The following CNPY4 variants were observed in gnomAD, a reference collection of about 807,000 sequenced individuals.
CNPY4 encodes canopy FGF signaling regulator 4, also known as protein canopy homolog 4.
A neutral mutation model predicts 30.1 loss-of-function variants in CNPY4; 33 were observed. That is an observed-to-expected ratio of 1.10 (90% CI 0.83 to 1.46). The LOEUF (loss-of-function observed/expected upper bound fraction) is 1.46, where lower values mean the gene tolerates loss of function less well. Ranked by LOEUF, CNPY4 falls within the 40% of genes most tolerant of loss-of-function variation. CNPY4 has a pLI of 0.00. For synonymous variants in CNPY4, 109 were observed against 110.1 expected (o/e 0.99, Z 0.06); for missense variants, 324 against 302.6 (o/e 1.07, Z -0.52).
chr7:100,122,170 G>A (rs2116896041), intron 1 of CNPY4, 89 bp from the exon 2 acceptor site: 1 of 1,535,238 alleles, frequency 6.5e-7, no homozygotes, highest in South Asian at 1.2e-5. Flanking sequence ...GTCTGCACTT[G>A]TATGCTCTGC....
rs1798164028 is a variant in CNPY4 at position 100,124,620 on chromosome 7, C to T, written c.572C>T (p.Ala191Val). 11 of 1,613,068 alleles carry T rather than the reference C, an allele frequency of 6.8e-6. No homozygotes were observed. Among genetic ancestry groups the T allele is most frequent in the African/African-American group, 1.3e-5 (1 of 74,688 alleles). Reference protein sequence around the residue: ...NFLCEGHVLPAAETACLQETW... With the variant: ...NFLCEGHVLPVAETACLQETW... ...CTCTGTGAAGGTCATGTGCTCCCAG[C>T]TGCTGAAACTGGTAAGCGTAAGGGT... The change falls in exon 5 of 6, where the codon GCT becomes GTT. Residue 191 changes from alanine to valine, a missense_variant. Ala to Val is a moderately conservative substitution (Grantham distance 64). Transcript: ENST00000262932.
chr7:100,125,123 T>G lies in CNPY4; in HGVS notation c.*235T>G. 2.0e-6 allele frequency: 1 copy of G among 502,064 alleles called. No individual in the cohort carries two copies. The highest frequency in any genetic ancestry group is 3.3e-5 in the South Asian group (1 of 30,048). 31.1% of individuals were successfully genotyped at this position (502,064 alleles called of 1,614,324 possible). A position where few individuals can be genotyped will look rare whatever the true frequency, so the allele number is the denominator to read the frequency against. On this transcript the variant is annotated 3_prime_UTR_variant, in exon 6 of 6. Coordinates refer to ENST00000262932, the MANE Select transcript of CNPY4 (RefSeq NM_152755.2). ...TAGAGATGAACTCTATCCAGCCCCT[T>G]AATTGGCAGGTGTATGTGCTGACAG...
At chr7:100,122,049 G>GAAA (rs111511573) in intron 1 of CNPY4, 3,183 of 311,312 alleles carry the variant, frequency 0.01, no homozygotes, top group South Asian at 0.016. Context: ...GAGTCCGTCT[G>GAAA]AAAAAAAAAA....
In CNPY4 at chr7:100,119,641, G is replaced by A. The variant is rs536137427; in HGVS notation, c.-104G>A. 7.5e-6 allele frequency: 12 copies of A among 1,603,088 alleles called. No individual in the cohort carries two copies. Among genetic ancestry groups the A allele is most frequent in the Admixed American group, 1.7e-5 (1 of 57,698 alleles). On this transcript the variant is annotated 5_prime_UTR_variant, in exon 1 of 6. Coordinates refer to ENST00000262932, the MANE Select transcript of CNPY4 (RefSeq NM_152755.2). ...TCCTGCGCATGCGCCGACCTTCCTC[G>A]GCTGGATTTAAGGTTGCCGCTAGCC...
At chr7:100,121,112 A>ATTTTTTTTTTT (rs1798040006) in intron 1 of CNPY4, 8 of 30,714 alleles carry the variant, frequency 2.6e-4, no homozygotes, top group Non-Finnish European at 4.1e-4. Context: ...ATATATATAT[A>ATTTTTTTTTTT]TATATTTTTT....
At chr7:100,120,898 G>C (rs990020656) in intron 1 of CNPY4, among the ~76,000 whole-genome samples, 2 of 151,946 alleles carry the variant, frequency 1.3e-5, no homozygotes, top group Admixed American at 6.6e-5. Flanking sequence ...GAGACCTGTA[G>C]ATAGAGATAA....
rs1475624712 is a variant in CNPY4, at chr7:100,124,955, T to G, written c.*67T>G. 1.0e-5 allele frequency: 15 copies of G among 1,506,950 alleles called. No homozygotes were observed. Among genetic ancestry groups the G allele is most frequent in the Non-Finnish European group, 8.9e-7 (1 of 1,124,292 alleles). 93.3% of individuals were successfully genotyped at this position (1,506,950 alleles called of 1,614,324 possible). A position where few individuals can be genotyped will look rare whatever the true frequency, so the allele number is the denominator to read the frequency against. On this transcript the variant is annotated 3_prime_UTR_variant, in exon 6 of 6. Coordinates refer to ENST00000262932, the MANE Select transcript of CNPY4 (RefSeq NM_152755.2). ...AGCCCTCTAAAGCCTGCACTCTCCC[T>G]GCTCCACAGCTTTCAGGGTGTGTTT...
chr7:100,121,068 T>C lies in CNPY4; in HGVS notation c.119-1191T>C, dbSNP rs187457954. 5.1e-4 allele frequency: 63 copies of C among 122,842 alleles called. No homozygotes were observed. In the East Asian group the frequency reaches 8.4e-3, roughly 16 times the overall value. The allele number at this position is 122,842 out of a possible 1,614,324, so 7.6% of individuals were successfully genotyped here. On this transcript the variant is annotated intron_variant, in intron 1 of 5. Transcript: ENST00000262932. Reference sequence around the variant, plus strand: ...TCACACTCCTATGAGGGACATACTATTATTATCCAATTGTATTAATTTTAT... The same window carrying C: ...TCACACTCCTATGAGGGACATACTACTATTATCCAATTGTATTAATTTTAT...
Position 100,122,298 on chromosome 7 carries a change from G to A in CNPY4, c.158G>A (p.Ser53Asn), listed in dbSNP as rs1421082887. The A allele has an allele frequency of 1.2e-6, 2 of 1,613,992 alleles. No individual in the cohort carries two copies. Among genetic ancestry groups the A allele is most frequent in the Admixed American group, 3.3e-5 (2 of 59,982 alleles). The part of the protein sequence containing the change: ...LLSTELQAEL[S>N]RTGRSREVLE... ...AGCACAGAGCTACAGGCGGAACTGAGTCGCACCGGTCGATCTCGAGAGGTG... is the reference window on the plus strand; with the variant it reads ...AGCACAGAGCTACAGGCGGAACTGAATCGCACCGGTCGATCTCGAGAGGTG... Residue 53 changes from serine to asparagine, a missense_variant, in exon 2 of 6, where the codon AGT becomes AAT. Coordinates refer to ENST00000262932, the MANE Select transcript of CNPY4 (RefSeq NM_152755.2).
chr7:100,124,875 GAGA>G lies in CNPY4; in HGVS notation c.738_740del (p.Glu246del), dbSNP rs747967394. The G allele has an allele frequency of 6.9e-6, 11 of 1,597,880 alleles. No individual in the cohort carries two copies. Among genetic ancestry groups the G allele is most frequent in the African/African-American group, 1.3e-5 (1 of 74,446 alleles). The stretch of plus-strand genomic sequence containing the variant: ...ACAGGAAGCCACCCCAAACTTGACC[GAGA>G]AGATCTTTGACCCTTGCCTTTGAGC... On this transcript the variant is annotated inframe_deletion, in exon 6 of 6. Transcript: ENST00000262932.
At chr7:100,124,350 G>A (rs1441024483) in intron 4 of CNPY4, 164 bp from the exon 5 acceptor site, 1 of 595,014 alleles carries the variant, frequency 1.7e-6, no homozygotes, top group Non-Finnish European at 3.0e-6. Flanking sequence ...ATAGGTGCTG[G>A]TAAATGTTTG....
At position 100,124,814 on chromosome 7, in the gene CNPY4, G is replaced by A. The variant is rs1161720484; in HGVS notation, c.673G>A (p.Glu225Lys). The change falls in exon 6 of 6, where the codon GAG becomes AAG. Residue 225 changes from glutamate (E) to lysine (K), a missense_variant. Glu to Lys is a moderately conservative substitution (Grantham distance 56). Coordinates refer to ENST00000262932, the MANE Select transcript of CNPY4 (RefSeq NM_152755.2). ...GEEEQEEEEE[E>K]EEEEGGDKMT... ...GGAAGAGCAGGAGGAGGAGGAGGAA[G>A]AGGAGGAAGAGGAAGGGGGAGACAA... 1.9e-6 allele frequency: 3 copies of A among 1,613,580 alleles called. No homozygotes were observed. In the South Asian group the frequency reaches 3.3e-5, roughly 18 times the overall value.
At chr7:100,123,501 C>A (rs1388026235) in intron 4 of CNPY4, among the ~76,000 whole-genome samples, 1 of 152,058 alleles carries the variant, frequency 6.6e-6, no homozygotes, top group Admixed American at 6.6e-5. Context: ...ACCCCCTTCT[C>A]TACAAATAAT....
At position 100,122,783 on chromosome 7, in the gene CNPY4, G is replaced by A. The variant is rs975338412; in HGVS notation, c.343-1G>A. On this transcript the variant is annotated splice_acceptor_variant, in intron 3 of 5. Transcript: ENST00000262932. LOFTEE classifies it high-confidence loss of function. ...CTGATGCCAAATTCTTAATCTCTCA[G>A]GGTCAGAGTCAGACCATGGCAACAC... The A allele has an allele frequency of 2.9e-5, 47 of 1,612,312 alleles. No homozygotes were observed. Among genetic ancestry groups the A allele is most frequent in the Non-Finnish European group, 4.0e-5 (47 of 1,179,302 alleles).
intron 4 of CNPY4, 119 bp from the exon 5 acceptor site, chr7:100,124,395 A>G: frequency 4.1e-6 from 3 of 735,608 alleles, no homozygotes; most frequent in Non-Finnish European, 7.1e-6. Context: ...TAGTAGGCCA[A>G]ACTTAGCTTC....
intron 1 of CNPY4, chr7:100,121,142 T>A: frequency 1.9e-5 from 2 of 106,268 alleles, no homozygotes; most frequent in African/African-American, 7.0e-5. Flanking sequence ...TTTTTTTTTT[T>A]TTTTTTTTCT....
chr7:100,121,118 T>TACATATA (rs1798048567), intron 1 of CNPY4: 1 of 31,894 alleles, frequency 3.1e-5, no homozygotes, highest in Admixed American at 5.3e-4. Context: ...ATATATATAT[T>TACATATA]TTTTTTTTTT....
In CNPY4 at chr7:100,122,586, C is replaced by A; in HGVS notation, c.342+9C>A. On this transcript the variant is annotated intron_variant, in intron 3 of 5. Coordinates refer to ENST00000262932, the MANE Select transcript of CNPY4 (RefSeq NM_152755.2). The stretch of plus-strand genomic sequence containing the variant: ...CACTGAGATATGCCAAGGTCAGACC[C>A]TTCCCCAGGGCAGGACCCCACTTCT... 1 of 1,594,538 alleles carries A rather than the reference C, an allele frequency of 6.3e-7. No homozygotes were observed.
At chr7:100,123,524 G>T (rs891401433) in intron 4 of CNPY4, among the ~76,000 whole-genome samples, 8 of 151,866 alleles carry the variant, frequency 5.3e-5, no homozygotes, top group Non-Finnish European at 1.2e-4. Context: ...TAATTTTAAA[G>T]AATTTTTTTT....
Sources: gnomAD v4.1 joint callset for allele counts (sites outside exome capture counted in the v4.1 genomes callset) on GRCh38, gnomAD v4.1.1 for gene constraint, MANE v1.5 for transcripts, NCBI Gene and HGNC (gene_info 2026-07-23, HGNC 2026-07-21) for gene names.